Variants in CAMK2D observed in about 807,000 individuals in gnomAD.
CAMK2D encodes calcium/calmodulin dependent protein kinase II delta.
A neutral mutation model predicts 84.0 loss-of-function variants in CAMK2D; 37 were observed. That is an observed-to-expected ratio of 0.44 (90% confidence interval 0.34 to 0.58). The LOEUF (loss-of-function observed/expected upper bound fraction) is 0.58. Ranked by LOEUF, CAMK2D falls within the 20% of genes least tolerant of loss-of-function variation. CAMK2D has a pLI of 0.02. For synonymous variants in CAMK2D, 202 were observed against 212.5 expected (o/e 0.95, Z 0.43); for missense variants, 448 against 652.5 (o/e 0.69, Z 3.41).
At chr4:113,563,477 C>A (rs771502982) in intron 4 of CAMK2D, among the ~76,000 whole-genome samples, 14 of 152,090 alleles carry the variant, frequency 9.2e-5, no homozygotes, top group Non-Finnish European at 1.6e-4. Flanking sequence ...TATTTTCTTT[C>A]CCCACTCCCT....
chr4:113,522,866 G>A (rs1215579748), intron 8 of CAMK2D, among the ~76,000 whole-genome samples: 1 of 152,232 alleles, frequency 6.6e-6, no homozygotes, highest in Non-Finnish European at 1.5e-5. Context: ...CTGCAATGGA[G>A]AGAATGTTTG....
chr4:113,511,809 A>G (rs1318346460), intron 12 of CAMK2D, among the ~76,000 whole-genome samples: 2 of 152,220 alleles, frequency 1.3e-5, no homozygotes, highest in East Asian at 1.9e-4. Context: ...TCGTAGCATT[A>G]TTCATTGTAC....
rs79345970 is a variant in CAMK2D, at chr4:113,501,826, T to C, written c.1086+1110A>G. On this transcript the variant is annotated intron_variant, in intron 15 of 20. Coordinates refer to ENST00000511664, the MANE Select transcript of CAMK2D (RefSeq NM_001321571.2). The stretch of plus-strand genomic sequence containing the variant: ...TTATGCTTGGCGTTTCATTGGCTAA[T>C]GCTATTAAAAAAATTGTTCTCATAT... Among the ~76,000 whole-genome samples the C allele has an allele frequency of 2.3e-3, 345 of 152,248 alleles. 4 individuals are homozygous for C. Among genetic ancestry groups the C allele is most frequent in the South Asian group, 0.018 (87 of 4,826 alleles).
chr4:113,755,470 A>G (rs1270887442), intron 2 of CAMK2D, among the ~76,000 whole-genome samples: 4 of 151,938 alleles, frequency 2.6e-5, no homozygotes, highest in Admixed American at 1.3e-4. Context: ...ATAATGTATT[A>G]TATTTTACAA....
rs35765784 is a variant in CAMK2D at position 113,455,777 on chromosome 4, G to C, written c.1580C>G (p.Thr527Ser). ...PNGKENFSGGTSLWQNI is the reference protein window; with the variant it reads ...PNGKENFSGGSSLWQNI ...GCCTTAGATGTTTTGCCACAAAGAG[G>C]TGCCTCCTGAGAAGTTTTCTTTCCC... The change falls in exon 20 of 21, where the codon ACC (threonine) becomes AGC (serine). Residue 527 changes from threonine to serine, a missense_variant. Transcript: ENST00000511664. 4.3e-6 allele frequency: 7 copies of C among 1,612,442 alleles called. No individual in the cohort carries two copies. The South Asian group carries it at 4.4e-5, about 10-fold the overall frequency.
chr4:113,605,820 C>T (rs572387305), intron 4 of CAMK2D, among the ~76,000 whole-genome samples: 125 of 152,180 alleles, frequency 8.2e-4, no homozygotes, highest in Middle Eastern at 6.8e-3. Context: ...AATAAGATGG[C>T]ACCTGCTTAC....
At chr4:113,757,667 G>A (rs922670679) in intron 2 of CAMK2D, among the ~76,000 whole-genome samples, 1 of 152,066 alleles carries the variant, frequency 6.6e-6, no homozygotes, top group Non-Finnish European at 1.5e-5. Flanking sequence ...ATCCAGAAGC[G>A]GTAAAAAGCT....
chr4:113,650,777 G>A (rs1485866709), intron 3 of CAMK2D, among the ~76,000 whole-genome samples: 1 of 152,060 alleles, frequency 6.6e-6, no homozygotes, highest in Non-Finnish European at 1.5e-5. Context: ...TATGCCTATG[G>A]AAATAATAAT....
intron 2 of CAMK2D, among the ~76,000 whole-genome samples, chr4:113,687,301 T>C (rs796335369): frequency 2.0e-5 from 3 of 152,330 alleles, no homozygotes; most frequent in African/African-American, 7.2e-5. Flanking sequence ...CAATACAATA[T>C]TCACACAAAA....
At chr4:113,535,719 T>C (rs1193856174) in intron 7 of CAMK2D, among the ~76,000 whole-genome samples, 2 of 152,236 alleles carry the variant, frequency 1.3e-5, no homozygotes, top group Non-Finnish European at 2.9e-5. Flanking sequence ...TCTTCTTGCA[T>C]GACAGTGAGC....
At chr4:113,554,520 A>G (rs1351789805) in intron 4 of CAMK2D, among the ~76,000 whole-genome samples, 1 of 152,158 alleles carries the variant, frequency 6.6e-6, no homozygotes, top group Non-Finnish European at 1.5e-5. Context: ...GTCTGACAAC[A>G]TTCTCTCTCC....
chr4:113,623,078 A>G lies in CAMK2D; in HGVS notation c.221-13872T>C, dbSNP rs1030610989. 2.6e-5 allele frequency among the ~76,000 whole-genome samples: 4 copies of G among 152,146 alleles called. No homozygotes were observed. In the East Asian group the frequency reaches 7.7e-4, roughly 29 times the overall value. ...ACTCCTTTACAAAAAAAGTTTGCCAACTTCTGGATTAAGAAAACTGATGAT... is the reference window on the plus strand; with the variant it reads ...ACTCCTTTACAAAAAAAGTTTGCCAGCTTCTGGATTAAGAAAACTGATGAT... On this transcript the variant is annotated intron_variant, in intron 3 of 20. Coordinates refer to ENST00000511664, the MANE Select transcript of CAMK2D (RefSeq NM_001321571.2).
intron 9 of CAMK2D, among the ~76,000 whole-genome samples, chr4:113,516,314 C>T (rs369443284): frequency 2.0e-5 from 3 of 152,240 alleles, no homozygotes; most frequent in South Asian, 2.1e-4. Context: ...AAGAAACACA[C>T]GAGGCTGTTT....
rs374130979 is a variant in CAMK2D at position 113,509,643 on chromosome 4, C to T, written c.979G>A (p.Val327Ile). The T allele has an allele frequency of 1.8e-4, 296 of 1,603,868 alleles. No homozygotes were observed. Among genetic ancestry groups the T allele is most frequent in the Non-Finnish European group, 2.5e-4 (288 of 1,170,792 alleles). Residue 327 changes from valine to isoleucine, a missense_variant, in exon 13 of 21, where the codon GTA becomes ATA. Transcript: ENST00000511664. The stretch of plus-strand genomic sequence containing the variant: ...GGGGCATCTGTTTAACTTACCTTTA[C>T]TCCATCTGGTTTCTTCAACAAACTC... ...AKSLLKKPDG[V>I]KINNKANVVT...
chr4:113,548,567 G>T, intron 5 of CAMK2D: 1 of 622,960 alleles, frequency 1.6e-6, no homozygotes. Context: ...GAAAGGCAAG[G>T]GAACCATTTT....
In CAMK2D at chr4:113,500,484, T is replaced by C. The variant is rs1391362677; in HGVS notation, c.1114A>G (p.Ile372Val). 6.2e-7 allele frequency: 1 copy of C among 1,601,936 alleles called. No homozygotes were observed. Among genetic ancestry groups the C allele is most frequent in the East Asian group, 2.2e-5 (1 of 44,682 alleles). Residue 372 changes from isoleucine (I) to valine (V), a missense_variant, in exon 16 of 21, where the codon ATT becomes GTT. Physicochemically the swap from Ile to Val is conservative, Grantham distance 29 (BLOSUM62 3). Around this residue, in one of 7 missense-constraint regions of CAMK2D, gnomAD observed 219 missense variants for 272.1 expected, o/e 0.80. Coordinates refer to ENST00000511664, the MANE Select transcript of CAMK2D (RefSeq NM_001321571.2). ...ATACCTTTCACATCTTCATCCTCAA[T>C]TGTTGTATTTGAACTCTCAGTTGAC... ...KESTESSNTTIEDEDVKARKQ... is the reference protein window; with the variant it reads ...KESTESSNTTVEDEDVKARKQ...
At chr4:113,667,105 T>A (rs1458648881) in intron 2 of CAMK2D, among the ~76,000 whole-genome samples, 3 of 152,208 alleles carry the variant, frequency 2.0e-5, no homozygotes, top group Non-Finnish European at 2.9e-5. Flanking sequence ...TGGCTACTCA[T>A]TCTCAGAATA....
chr4:113,538,882 C>G (rs1301301815), intron 6 of CAMK2D, among the ~76,000 whole-genome samples: 2 of 152,172 alleles, frequency 1.3e-5, no homozygotes, highest in Non-Finnish European at 2.9e-5. Context: ...CCATCAGATT[C>G]ATCGCTATTA....
chr4:113,460,883 G>A (rs1564392266), intron 17 of CAMK2D, among the ~76,000 whole-genome samples: 1 of 151,878 alleles, frequency 6.6e-6, no homozygotes, highest in Non-Finnish European at 1.5e-5. Flanking sequence ...GTAGAGATGG[G>A]GTTTCCTTAT....
Sources: gnomAD v4.1 joint callset for allele counts (sites outside exome capture counted in the v4.1 genomes callset) on GRCh38, gnomAD v4.1.1 for gene constraint, gnomAD v4.1.1 regional missense constraint, MANE v1.5 for transcripts, NCBI Gene and HGNC (gene_info 2026-07-23, HGNC 2026-07-21) for gene names.